ZNF331: variants seen among roughly 807,000 people sequenced by gnomAD.
ZNF331 encodes the protein C2H2-like zinc finger protein rearranged in thyroid adenomas.
Under a neutral mutation model 7.0 loss-of-function variants are expected in ZNF331, and 2 were observed. That is an observed-to-expected ratio of 0.29 (90% CI 0.12 to 0.90). The LOEUF (loss-of-function observed/expected upper bound fraction) is 0.90, where lower values mean the gene tolerates loss of function less well. ZNF331 is among the 40% of genes least tolerant of loss of function. ZNF331 has a pLI of 0.58. For missense variants in ZNF331, 432 were observed against 587.7 expected (o/e 0.74, Z 2.74); for synonymous variants, 196 against 205.4 (o/e 0.95, Z 0.39).
upstream of ZNF331, among the ~76,000 whole-genome samples, chr19:53,537,028 G>C (rs1210869758): frequency 6.6e-6 from 1 of 152,188 alleles, no homozygotes; most frequent in Non-Finnish European, 1.5e-5. Context: ...GAGGTAACCA[G>C]GTGAAAGGTA....
At chr19:53,534,449 G>A (rs897905877), upstream of ZNF331, among the ~76,000 whole-genome samples, 1 of 151,968 alleles carries the variant, frequency 6.6e-6, no homozygotes, top group African/African-American at 2.4e-5. Context: ...CACCACACTC[G>A]GCTAATTTTT....
At chr19:53,529,076 C>T (rs531281218) in intron 2 of ZNF331, among the ~76,000 whole-genome samples, 61 of 152,218 alleles carry the variant, frequency 4.0e-4, no homozygotes, top group African/African-American at 1.3e-3. Context: ...CATGAGCCAC[C>T]GCACCCAACC....
chr19:53,566,766 G>A (rs1181075417), intron 3 of ZNF331, among the ~76,000 whole-genome samples: 2 of 152,196 alleles, frequency 1.3e-5, no homozygotes, highest in East Asian at 1.9e-4. Flanking sequence ...AAGCATGGCA[G>A]TTTCCAGTTC....
the ZNF331 span, among the ~76,000 whole-genome samples, chr19:53,509,598 G>A: frequency 6.3e-4 from 96 of 152,316 alleles, no homozygotes; most frequent in African/African-American, 2.1e-3. Flanking sequence ...ATTATTTAGA[G>A]CAGGCAGGAT....
chr19:53,534,934 T>A (rs1183758206), upstream of ZNF331, among the ~76,000 whole-genome samples: 1 of 151,454 alleles, frequency 6.6e-6, no homozygotes, highest in African/African-American at 2.4e-5. Context: ...ATAACAATGG[T>A]CTGTTTTCCT....
At chr19:53,556,936 GCTGGGACTACAGGT>G (rs1236837034) in intron 3 of ZNF331, among the ~76,000 whole-genome samples, 1 of 148,926 alleles carries the variant, frequency 6.7e-6, no homozygotes, top group Non-Finnish European at 1.5e-5. Context: ...CTTCTGAGTA[GCTGGGACTACAGGT>G]GTGAGCCACC....
the ZNF331 span, among the ~76,000 whole-genome samples, chr19:53,509,326 G>A: frequency 1.3e-5 from 2 of 152,150 alleles, no homozygotes; most frequent in East Asian, 3.9e-4. Flanking sequence ...ATCAAGTAAT[G>A]GAACCCCAGA....
At chr19:53,538,907 G>A (rs1475544950) in intron 1 of ZNF331, 1 of 152,378 alleles carries the variant, frequency 6.6e-6, no homozygotes, top group African/African-American at 2.4e-5. Flanking sequence ...GAGCGCCTGA[G>A]CCTCGCCTGG....
In ZNF331 at chr19:53,558,819, CA is replaced by C. The variant is rs2089594555; in HGVS notation, c.-74+2912del. On this transcript the variant is annotated intron_variant, in intron 3 of 5. Transcript: ENST00000449416. The surrounding 1 kb of genome is among the most constrained non-coding windows in gnomAD (Gnocchi z 4.5). ...CAGACACACTCATACCCCATATATA[CA>C]CACATATAGGCACCTACATATATAC... is the stretch of plus-strand genomic sequence containing the variant. 6.6e-6 allele frequency among the ~76,000 whole-genome samples: 1 copy of C among 151,760 alleles called. No homozygotes were observed. Among genetic ancestry groups the C allele is most frequent in the Non-Finnish European group, 1.5e-5 (1 of 67,880 alleles).
At chr19:53,531,356 T>C (rs2087532683) in intron 2 of ZNF331, among the ~76,000 whole-genome samples, 5 of 152,220 alleles carry the variant, frequency 3.3e-5, no homozygotes, top group Admixed American at 3.3e-4. Context: ...GTACTCCCCA[T>C]TGACCAAGTC....
chr19:53,566,003 C>T (rs2090136269), intron 3 of ZNF331, among the ~76,000 whole-genome samples: 1 of 152,158 alleles, frequency 6.6e-6, no homozygotes, highest in African/African-American at 2.4e-5. Context: ...GTGTCAGGAG[C>T]TGTCAGGACC....
intron 4 of ZNF331, among the ~76,000 whole-genome samples, chr19:53,570,102 C>T (rs1343210590): frequency 6.6e-6 from 1 of 151,722 alleles, no homozygotes; most frequent in Non-Finnish European, 1.5e-5. Context: ...CTAAAAATAC[C>T]AAAATTAGCA....
At position 53,577,505 on chromosome 19, in the gene ZNF331, T is replaced by A. The variant is rs1007846761; in HGVS notation, c.945T>A (p.Thr315=). The A allele has an allele frequency of 2.5e-6, 4 of 1,612,640 alleles. No individual in the cohort carries two copies. The highest frequency in any genetic ancestry group is 3.4e-6 in the Non-Finnish European group (4 of 1,178,922). ...GKAFTRVNYL[T]QHQKIHTGEK... ...CCTTTACTCGAGTCAATTACCTTAC[T>A]CAGCATCAGAAGATCCACACCGGTG... Residue 315 remains threonine (T), a synonymous_variant, in exon 6 of 6, where the codon ACT becomes ACA. Transcript: ENST00000449416.
At position 53,560,738 on chromosome 19, in the gene ZNF331, G is replaced by T. The variant is rs555228156; in HGVS notation, c.-74+4830G>T. On this transcript the variant is annotated intron_variant, in intron 3 of 5. Coordinates refer to ENST00000449416, the MANE Select transcript of ZNF331 (RefSeq NM_001079906.2). The surrounding 1 kb of genome is among the most constrained non-coding windows in gnomAD (Gnocchi z 4.3). ...CGTGACCCCTTCTTCCATCAGCAAA[G>T]CCTGAAAAGACAAGTCCTTTTTCCG... 4.6e-5 allele frequency among the ~76,000 whole-genome samples: 7 copies of T among 152,162 alleles called. No homozygotes were observed. In the South Asian group the frequency reaches 1.5e-3, roughly 32 times the overall value.
At chr19:53,563,059 G>A (rs2147566712) in intron 3 of ZNF331, among the ~76,000 whole-genome samples, 1 of 152,174 alleles carries the variant, frequency 6.6e-6, no homozygotes, top group East Asian at 1.9e-4. Flanking sequence ...TCTCGAAATA[G>A]GTTCTGTAAG....
upstream of ZNF331, among the ~76,000 whole-genome samples, chr19:53,520,562 C>T (rs1249906331): frequency 6.6e-6 from 1 of 152,082 alleles, no homozygotes; most frequent in Non-Finnish European, 1.5e-5. Flanking sequence ...CTGAAATACG[C>T]TTTCCCAGAA....
At chr19:53,544,349 T>G (rs1317181881) in intron 2 of ZNF331, among the ~76,000 whole-genome samples, 6 of 150,702 alleles carry the variant, frequency 4.0e-5, no homozygotes, top group South Asian at 4.2e-4. Flanking sequence ...ATGGAGACCA[T>G]CCTGGCTAAC....
chr19:53,578,172 C>G lies in ZNF331; in HGVS notation c.*220C>G. On this transcript the variant is annotated 3_prime_UTR_variant, in exon 6 of 6. Coordinates refer to ENST00000449416, the MANE Select transcript of ZNF331 (RefSeq NM_001079906.2). ...GAGTCATCCCTTGGTCCAGCACATCCACGCTGTATACGCCACCCACCCTGC... is the reference window on the plus strand; with the variant it reads ...GAGTCATCCCTTGGTCCAGCACATCGACGCTGTATACGCCACCCACCCTGC... The G allele has an allele frequency of 1.8e-6, 1 of 565,792 alleles. No individual in the cohort carries two copies. Among genetic ancestry groups the G allele is most frequent in the South Asian group, 2.2e-5 (1 of 46,272 alleles). 35.0% of individuals were successfully genotyped at this position (565,792 alleles called of 1,614,324 possible).
upstream of ZNF331, among the ~76,000 whole-genome samples, chr19:53,520,263 T>C (rs921586403): frequency 1.4e-4 from 22 of 151,802 alleles, no homozygotes; most frequent in Non-Finnish European, 1.6e-4. Context: ...GGCAGGAGGG[T>C]CTCGAACTCC....
Sources: allele counts gnomAD v4.1 joint callset (sites outside exome capture counted in the v4.1 genomes callset), GRCh38; gene constraint gnomAD v4.1.1; non-coding constraint Gnocchi (gnomAD v3.1); transcripts MANE v1.5; gene names NCBI Gene and HGNC (gene_info 2026-07-23, HGNC 2026-07-21).